The following GRID2 variants were observed in gnomAD, a reference collection of about 807,000 sequenced individuals.
GRID2 encodes the protein glutamate receptor ionotropic, delta-2.
Under a neutral mutation model 114.8 loss-of-function variants are expected in GRID2, and 33 were observed. The observed-to-expected ratio is 0.29, with a 90% CI of 0.22 to 0.38. The LOEUF (loss-of-function observed/expected upper bound fraction) is 0.38, where lower values mean the gene tolerates loss of function less well. Ranked by LOEUF, GRID2 falls within the 10% of genes least tolerant of loss-of-function variation. The probability of loss-of-function intolerance (pLI) is 1.00; values close to 1 mark genes in which losing one functional copy is unlikely to be tolerated. For missense variants in GRID2, 1,184 were observed against 1,257.7 expected, an observed-to-expected ratio of 0.94 and a Z score of 0.89; for synonymous variants, 505 against 449.9, an observed-to-expected ratio of 1.12 and a Z score of -1.55.
chr4:92,759,617 C>A (rs1032290571), intron 2 of GRID2, among the ~76,000 whole-genome samples: 30 of 151,672 alleles, frequency 2.0e-4, no homozygotes, highest in African/African-American at 7.3e-4. Context: ...CTTTTTTATT[C>A]TTTTCAGATG....
Position 92,947,684 on chromosome 4 carries a change from G to T in GRID2, c.245-137311G>T, listed in dbSNP as rs372929576. Reference sequence around the variant, plus strand: ...ATATATAGCCTTCAAATAGTCTTCAGAGGTGTATATGGGTTGTGTGTGTGC... The same window carrying T: ...ATATATAGCCTTCAAATAGTCTTCATAGGTGTATATGGGTTGTGTGTGTGC... On this transcript the variant is annotated intron_variant, in intron 2 of 15. Coordinates refer to ENST00000282020, the MANE Select transcript of GRID2 (RefSeq NM_001510.4). Among the ~76,000 whole-genome samples, 16 of 151,802 alleles carry T rather than the reference G, an allele frequency of 1.1e-4. 1 individual carries two copies. The highest frequency in any genetic ancestry group is 3.9e-4 in the African/African-American group (16 of 41,524).
chr4:92,757,485 T>G (rs2149343050), intron 2 of GRID2, among the ~76,000 whole-genome samples: 1 of 152,230 alleles, frequency 6.6e-6, no homozygotes, highest in East Asian at 1.9e-4. Context: ...TCTCCTTGTC[T>G]TATCAAAGGG....
chr4:93,547,791 G>A (rs780914851), intron 13 of GRID2, among the ~76,000 whole-genome samples: 4 of 152,118 alleles, frequency 2.6e-5, no homozygotes, highest in Non-Finnish European at 1.5e-5. Context: ...TTGTCTTTTA[G>A]GCAGCTATAG....
intron 8 of GRID2, among the ~76,000 whole-genome samples, chr4:93,364,188 A>G (rs1027229757): frequency 6.6e-6 from 1 of 152,288 alleles, no homozygotes; most frequent in Admixed American, 6.5e-5. Flanking sequence ...CTACGTTTTC[A>G]TAAAAATCTG....
At chr4:93,071,283 C>T (rs6853330) in intron 2 of GRID2, among the ~76,000 whole-genome samples, 85,198 of 151,832 alleles carry the variant, frequency 0.56, 25,639 homozygotes, top group African/African-American at 0.76. Flanking sequence ...CCATGTCTGC[C>T]CTAATGATTA....
chr4:92,446,252 C>A (rs1733465258), intron 1 of GRID2, among the ~76,000 whole-genome samples: 1 of 152,000 alleles, frequency 6.6e-6, no homozygotes, highest in Non-Finnish European at 1.5e-5. Context: ...TGGCTTTATC[C>A]CATATTTGAT....
intron 2 of GRID2, among the ~76,000 whole-genome samples, chr4:92,846,002 A>G (rs1743292136): frequency 1.3e-5 from 2 of 151,736 alleles, no homozygotes; most frequent in Admixed American, 1.3e-4. Flanking sequence ...TAGGTTTTTT[A>G]CCTCCATTTT....
intron 2 of GRID2, among the ~76,000 whole-genome samples, chr4:92,689,125 G>A (rs527497124): frequency 1.2e-4 from 18 of 152,202 alleles, no homozygotes; most frequent in African/African-American, 4.3e-4. Flanking sequence ...TAAACCATTG[G>A]TGAAAATAGA....
chr4:93,212,887 C>T (rs543388828), intron 5 of GRID2, among the ~76,000 whole-genome samples: 156 of 152,074 alleles, frequency 1.0e-3, no homozygotes, highest in African/African-American at 3.3e-3. Context: ...ATTGTCCTGC[C>T]TCAGTCTCCC....
intron 1 of GRID2, among the ~76,000 whole-genome samples, chr4:93,796,840 C>T (rs1734813095): frequency 6.6e-6 from 1 of 152,142 alleles, no homozygotes; most frequent in Non-Finnish European, 1.5e-5. Context: ...GCCACTGCAC[C>T]CAGCCAGTCA....
intron 14 of GRID2, among the ~76,000 whole-genome samples, chr4:93,724,497 G>A (rs893188409): frequency 2.0e-5 from 3 of 152,064 alleles, no homozygotes; most frequent in Non-Finnish European, 2.9e-5. Context: ...CAGCTAACTC[G>A]TGGAATATAC....
At chr4:93,434,894 C>T (rs1385544817) in intron 10 of GRID2, among the ~76,000 whole-genome samples, 1 of 152,122 alleles carries the variant, frequency 6.6e-6, no homozygotes, top group Non-Finnish European at 1.5e-5. Flanking sequence ...TCCTTATACT[C>T]ATTGAACTTG....
chr4:92,771,936 G>T (rs17019889), intron 2 of GRID2, among the ~76,000 whole-genome samples: 1 of 152,098 alleles, frequency 6.6e-6, no homozygotes, highest in Non-Finnish European at 1.5e-5. Flanking sequence ...AGGAAAATAC[G>T]TCTACTATTG....
chr4:93,468,831 C>T (rs1402446606), intron 11 of GRID2, among the ~76,000 whole-genome samples: 1 of 152,052 alleles, frequency 6.6e-6, no homozygotes, highest in African/African-American at 2.4e-5. Context: ...CTATTTTCCA[C>T]ATCTGGCATA....
intron 2 of GRID2, among the ~76,000 whole-genome samples, chr4:92,769,462 A>G (rs1445444807): frequency 6.6e-6 from 1 of 152,120 alleles, no homozygotes; most frequent in Non-Finnish European, 1.5e-5. Context: ...TTCCAGCTGC[A>G]CTAGGTGGTG....
At chr4:93,591,497 G>C (rs1052962790) in intron 13 of GRID2, among the ~76,000 whole-genome samples, 1 of 152,094 alleles carries the variant, frequency 6.6e-6, no homozygotes, top group Non-Finnish European at 1.5e-5. Context: ...TGTTCATCAG[G>C]GATATGGGTC....
At chr4:92,547,293 A>G (rs1726314415) in intron 1 of GRID2, among the ~76,000 whole-genome samples, 2 of 152,230 alleles carry the variant, frequency 1.3e-5, no homozygotes, top group Non-Finnish European at 2.9e-5. Flanking sequence ...TACCTTACTG[A>G]AGATACACTT....
At chr4:92,967,177 A>G (rs1186709133) in intron 2 of GRID2, among the ~76,000 whole-genome samples, 1 of 151,968 alleles carries the variant, frequency 6.6e-6, no homozygotes, top group Non-Finnish European at 1.5e-5. Context: ...TGTCTAAATT[A>G]TATTAAATCT....
chr4:92,643,576 C>T (rs913725864), intron 2 of GRID2, among the ~76,000 whole-genome samples: 4 of 151,712 alleles, frequency 2.6e-5, no homozygotes, highest in African/African-American at 4.8e-5. Flanking sequence ...AACGCAATCT[C>T]ATTTACAATA....
Sources: allele counts gnomAD v4.1 joint callset (sites outside exome capture counted in the v4.1 genomes callset), GRCh38; gene constraint gnomAD v4.1.1; transcripts MANE v1.5; gene names NCBI Gene and HGNC (gene_info 2026-07-23, HGNC 2026-07-21).